Variants in PTPN22 observed in about 807,000 individuals in gnomAD.
The protein encoded by PTPN22 is tyrosine-protein phosphatase non-receptor type 22.
A neutral mutation model predicts 103.3 loss-of-function variants in PTPN22; 85 were observed. The ratio of observed to expected loss-of-function variants is 0.82; its 90% CI spans 0.69 to 0.99. The LOEUF is 0.99. Among genes scored for constraint, PTPN22 ranks in the 50% least tolerant of loss-of-function variants. The pLI, the probability that PTPN22 is intolerant of heterozygous loss-of-function variation, is 0.00. For missense variants in PTPN22, 865 were observed against 936.9 expected (o/e 0.92, Z 1.00); for synonymous variants, 323 against 310.2 (o/e 1.04, Z -0.43).
At chr1:113,848,767 T>C in intron 10 of PTPN22, 141 bp from the exon 11 acceptor site, 1 of 752,552 alleles carries the variant, frequency 1.3e-6, no homozygotes, top group Non-Finnish European at 2.2e-6. Flanking sequence ...TTATTAAACT[T>C]ACTAACAATG....
chr1:113,847,570 T>C (rs752068432), intron 11 of PTPN22, among the ~76,000 whole-genome samples: 1 of 149,576 alleles, frequency 6.7e-6, no homozygotes, highest in Non-Finnish European at 1.5e-5. Flanking sequence ...TTAAGCCTTC[T>C]CTTTTTGCTG....
chr1:113,830,616 A>T (rs1407478511), intron 16 of PTPN22, among the ~76,000 whole-genome samples: 2 of 152,154 alleles, frequency 1.3e-5, no homozygotes, highest in Non-Finnish European at 2.9e-5. Context: ...TTTTTGAGAC[A>T]ATTGAAAACT....
chr1:113,858,625 C>A, intron 3 of PTPN22, 52 bp from the exon 4 acceptor site: 7 of 1,086,338 alleles, frequency 6.4e-6, no homozygotes, highest in South Asian at 1.5e-5. Flanking sequence ...ACCCTGTTCT[C>A]ACCTAGTCCT....
At chr1:113,852,818 A>G (rs572019185) in intron 9 of PTPN22, among the ~76,000 whole-genome samples, 1 of 152,374 alleles carries the variant, frequency 6.6e-6, no homozygotes, top group African/African-American at 2.4e-5. Context: ...CAAAGTAGAA[A>G]TAGAAATATT....
intron 15 of PTPN22, 100 bp downstream of exon 15, chr1:113,834,209 A>T: frequency 8.2e-7 from 1 of 1,223,136 alleles, no homozygotes; most frequent in Non-Finnish European, 1.2e-6. Context: ...TATATTTAGT[A>T]TGTGCTTAGG....
intron 1 of PTPN22, among the ~76,000 whole-genome samples, chr1:113,866,733 A>G (rs1333773763): frequency 1.3e-5 from 2 of 152,160 alleles, no homozygotes; most frequent in Non-Finnish European, 2.9e-5. Flanking sequence ...GAAGATCCAC[A>G]AAAAAAGCTA....
In PTPN22 at chr1:113,854,686, C is replaced by T. The variant is rs571382336; in HGVS notation, c.684-149G>A. The stretch of plus-strand genomic sequence containing the variant: ...CCAAACCCCACCATTTCCCAGAGCC[C>T]ATTTGTCATGCAAGAGGTCCTAGGC... On this transcript the variant is annotated intron_variant, in intron 8 of 20. Coordinates refer to ENST00000359785, the Ensembl canonical transcript of PTPN22. 2,405 of 985,102 alleles carry T rather than the reference C, an allele frequency of 2.4e-3. 11 individuals carry two copies. The highest frequency in any genetic ancestry group is 3.3e-3 in the Non-Finnish European group (2,187 of 658,084). The allele number at this position is 985,102 out of a possible 1,614,324, so 61.0% of individuals were successfully genotyped here. A position where few individuals can be genotyped will look rare whatever the true frequency, so the allele number is the denominator to read the frequency against.
chr1:113,858,525 T>C, exon 4 of PTPN22: 5 of 1,607,092 alleles, frequency 3.1e-6, no homozygotes, highest in Non-Finnish European at 4.3e-6. Flanking sequence ...AGGAGGGTTG[T>C]AGATAAAGGA....
intron 4 of PTPN22, 93 bp downstream of exon 4, chr1:113,858,385 T>G (rs989511216): frequency 3.7e-6 from 3 of 813,676 alleles, no homozygotes; most frequent in Non-Finnish European, 5.7e-6. Flanking sequence ...GACTAAAAGA[T>G]GCCTGAACCC....
At chr1:113,865,079 T>C (rs1294569759) in intron 1 of PTPN22, among the ~76,000 whole-genome samples, 2 of 152,176 alleles carry the variant, frequency 1.3e-5, no homozygotes, top group Non-Finnish European at 2.9e-5. Context: ...ATGTAGGACA[T>C]TGATAGCCAT....
chr1:113,851,871 G>A (rs554258766), intron 10 of PTPN22, among the ~76,000 whole-genome samples, 156 bp downstream of exon 10: 28 of 152,312 alleles, frequency 1.8e-4, no homozygotes, highest in African/African-American at 6.5e-4. Flanking sequence ...AAAATATTGG[G>A]ATATTCAGAG....
At chr1:113,836,205 A>G (rs1663007543) in intron 13 of PTPN22, among the ~76,000 whole-genome samples, 1 of 152,242 alleles carries the variant, frequency 6.6e-6, no homozygotes, top group African/African-American at 2.4e-5. Context: ...AATGTGCTTT[A>G]CAAATTATTT....
chr1:113,870,347 T>G (rs1666474245), intron 1 of PTPN22, among the ~76,000 whole-genome samples: 1 of 152,214 alleles, frequency 6.6e-6, no homozygotes, highest in South Asian at 2.1e-4. Context: ...TTCCCCTCTT[T>G]CCACCCATTT....
chr1:113,844,204 G>A (rs1302802809), intron 11 of PTPN22, among the ~76,000 whole-genome samples: 2 of 152,168 alleles, frequency 1.3e-5, no homozygotes, highest in Non-Finnish European at 2.9e-5. Context: ...GCTCACGCCT[G>A]TAATCCCAGC....
At chr1:113,846,954 T>C (rs1664110747) in intron 11 of PTPN22, among the ~76,000 whole-genome samples, 1 of 134,606 alleles carries the variant, frequency 7.4e-6, no homozygotes, top group Admixed American at 7.2e-5. Context: ...GCCCTGCCCT[T>C]TCTATTTTCT....
chr1:113,850,206 AAGG>A, intron 10 of PTPN22, among the ~76,000 whole-genome samples: 2 of 31,492 alleles, frequency 6.4e-5, no homozygotes, highest in Admixed American at 2.7e-4. Flanking sequence ...CAAAAGAAGG[AAGG>A]AAGGAAGGAA....
chr1:113,856,509 G>T, intron 6 of PTPN22, 39 bp downstream of exon 6: 2 of 1,614,080 alleles, frequency 1.2e-6, no homozygotes, highest in Non-Finnish European at 1.7e-6. Context: ...GTAGACCCTG[G>T]AGGCTTTACT....
At chr1:113,870,158 G>T (rs985015230) in intron 1 of PTPN22, among the ~76,000 whole-genome samples, 2 of 152,078 alleles carry the variant, frequency 1.3e-5, no homozygotes, top group African/African-American at 4.8e-5. Flanking sequence ...CTCAATAAAT[G>T]ACCACATTTA....
At chr1:113,822,694 G>C (rs1390372210) in intron 19 of PTPN22, among the ~76,000 whole-genome samples, 1 of 152,176 alleles carries the variant, frequency 6.6e-6, no homozygotes, top group African/African-American at 2.4e-5. Flanking sequence ...GGGCACAGTG[G>C]CTCACAGCTG....
Sources: gnomAD v4.1 joint callset for allele counts (sites outside exome capture counted in the v4.1 genomes callset) on GRCh38, gnomAD v4.1.1 for gene constraint, MANE v1.5 for transcripts, NCBI Gene and HGNC (gene_info 2026-07-23, HGNC 2026-07-21) for gene names.